Variants in TBX18 observed in about 807,000 individuals in gnomAD.
TBX18 encodes the protein T-box transcription factor 18.
A neutral mutation model predicts 55.0 loss-of-function variants in TBX18; 21 were observed. That is an observed-to-expected ratio of 0.38 (90% confidence interval 0.27 to 0.55). The LOEUF (loss-of-function observed/expected upper bound fraction) is 0.55, where lower values mean the gene tolerates loss of function less well. Ranked by LOEUF, TBX18 falls within the 20% of genes least tolerant of loss-of-function variation. The pLI is 0.73. For missense variants in TBX18, 840 were observed against 799.6 expected (o/e 1.05, Z -0.61); for synonymous variants, 342 against 326.1 (o/e 1.05, Z -0.53).
intron 4 of TBX18, among the ~76,000 whole-genome samples, chr6:84,752,090 G>A (rs1165696880): frequency 6.6e-6 from 1 of 151,982 alleles, no homozygotes; most frequent in East Asian, 1.9e-4. Context: ...TTTGGGTTTA[G>A]CTAGTATTAC....
At chr6:84,744,588 A>G (rs1767132857) in intron 5 of TBX18, among the ~76,000 whole-genome samples, 1 of 152,162 alleles carries the variant, frequency 6.6e-6, no homozygotes, top group African/African-American at 2.4e-5. Flanking sequence ...TTGTTTTTTA[A>G]TATTTCTGGA....
At chr6:84,762,857 A>G in intron 1 of TBX18, 109 bp from the exon 2 acceptor site, 1 of 1,063,698 alleles carries the variant, frequency 9.4e-7, no homozygotes. Context: ...ACCGGGAGAA[A>G]AGGGGAAGCT....
chr6:84,737,014 T>C lies in TBX18; in HGVS notation c.1495A>G (p.Ile499Val). ...ISGMSPQLQYIMPSPSSNAFA... is the reference protein window; with the variant it reads ...ISGMSPQLQYVMPSPSSNAFA... ...GCATTGCTGGAGGGTGATGGCATGA[T>C]ATACTGGAGCTGGGGGGACATTCCC... is the stretch of plus-strand genomic sequence containing the variant. The change falls in exon 8 of 8, where the codon ATC becomes GTC. Residue 499 changes from isoleucine to valine, a missense_variant. Transcript: ENST00000369663. 6.2e-7 allele frequency: 1 copy of C among 1,613,816 alleles called. No individual in the cohort carries two copies. The highest frequency in any genetic ancestry group is 8.5e-7 in the Non-Finnish European group (1 of 1,179,850).
intron 3 of TBX18, among the ~76,000 whole-genome samples, chr6:84,758,364 C>T (rs548372611): frequency 9.4e-5 from 14 of 149,328 alleles, no homozygotes; most frequent in African/African-American, 2.5e-4. Context: ...GCCGAGATCA[C>T]GCCATTGTAC....
At position 84,736,826 on chromosome 6, in the gene TBX18, C is replaced by A; in HGVS notation, c.1683G>T (p.Gly561=). The change falls in exon 8 of 8, where the codon GGG becomes GGT. Residue 561 remains glycine (G), a synonymous_variant. Transcript: ENST00000369663. ...QGSFLGSSPS[G]TMTDRQMLPP... ...GCAACATCTGCCGATCCGTCATGGTCCCACTCGGTGAGGACCCCAAGAAAC... is the reference window on the plus strand; with the variant it reads ...GCAACATCTGCCGATCCGTCATGGTACCACTCGGTGAGGACCCCAAGAAAC... 1 of 1,614,106 alleles carries A rather than the reference C, an allele frequency of 6.2e-7. No homozygotes were observed. The highest frequency in any genetic ancestry group is 2.2e-5 in the East Asian group (1 of 44,874).
At chr6:84,753,958 CA>C (rs1767420420) in intron 4 of TBX18, among the ~76,000 whole-genome samples, 1 of 152,086 alleles carries the variant, frequency 6.6e-6, no homozygotes, top group African/African-American at 2.4e-5. Flanking sequence ...AGCAGAGTCT[CA>C]CTCTGTCACC....
intron 5 of TBX18, among the ~76,000 whole-genome samples, chr6:84,746,431 TTA>T (rs1335679090): frequency 1.4e-5 from 2 of 147,340 alleles, no homozygotes; most frequent in African/African-American, 4.9e-5. Context: ...TATATTATAA[TTA>T]TATATTATAT....
chr6:84,736,860 G>T lies in TBX18; in HGVS notation c.1649C>A (p.Ser550Tyr), dbSNP rs781249482. 6.2e-7 allele frequency: 1 copy of T among 1,613,604 alleles called. No homozygotes were observed. ...LAASPEKIVS[S>Y]QGSFLGSSPS... is the part of the protein sequence containing the mutation. ...TGAGGACCCCAAGAAACTTCCTTGG[G>T]AAGAAACAATTTTCTCAGGACTGGC... The change falls in exon 8 of 8, where the codon TCC becomes TAC. Residue 550 changes from serine (S) to tyrosine (Y), a missense_variant. Coordinates refer to ENST00000369663, the MANE Select transcript of TBX18 (RefSeq NM_001080508.3).
At chr6:84,748,130 C>G in intron 4 of TBX18, 43 bp from the exon 5 acceptor site, 1 of 1,498,870 alleles carries the variant, frequency 6.7e-7, no homozygotes, top group Non-Finnish European at 9.1e-7. Context: ...GAAGCCTCTG[C>G]CCAACCTCAA....
chr6:84,736,003 G>A lies in TBX18; in HGVS notation c.*682C>T, dbSNP rs1282582847. ...ACAGATGAATAAGAACCTCTTATGT[G>A]CCCAATGGAAAGTGTAAAAAAAAAA... On this transcript the variant is annotated 3_prime_UTR_variant, in exon 8 of 8. Transcript: ENST00000369663. 1 of 151,848 alleles carries A rather than the reference G, an allele frequency of 6.6e-6. No individual in the cohort carries two copies. The highest frequency in any genetic ancestry group is 1.5e-5 in the Non-Finnish European group (1 of 67,992). 9.4% of individuals were successfully genotyped at this position (151,848 alleles called of 1,614,324 possible).
In TBX18 at chr6:84,737,098, C is replaced by T. The variant is rs1429707300; in HGVS notation, c.1411G>A (p.Gly471Ser). The T allele has an allele frequency of 6.2e-7, 1 of 1,614,142 alleles. No individual in the cohort carries two copies. Among genetic ancestry groups the T allele is most frequent in the South Asian group, 1.1e-5 (1 of 91,074 alleles). Residue 471 changes from glycine (G) to serine (S), a missense_variant, in exon 8 of 8, where the codon GGT (glycine) becomes AGT (serine). Coordinates refer to ENST00000369663, the MANE Select transcript of TBX18 (RefSeq NM_001080508.3). ...CTGAAGGTGTCCCCATCAGTGCCAC[C>T]CATGGACATGTTCACGGAGGTGCTG... ...SSSTSVNMSMGGTDGDTFSCP... is the reference protein window; with the variant it reads ...SSSTSVNMSMSGTDGDTFSCP...
In TBX18 at chr6:84,762,700, G is replaced by C; in HGVS notation, c.341C>G (p.Pro114Arg). 6.2e-7 allele frequency: 1 copy of C among 1,610,992 alleles called. No individual in the cohort carries two copies. The highest frequency in any genetic ancestry group is 1.3e-5 in the African/African-American group (1 of 74,958). The change falls in exon 2 of 8, where the codon CCG becomes CGG. Residue 114 changes from proline (P) to arginine (R), a missense_variant. Physicochemically the swap from Pro to Arg is moderately radical, Grantham distance 103. Transcript: ENST00000369663. ...FQQGASPLAS[P>R]GGSPKGSPAR... ...CGGAGACCCCTTGGGGGAGCCTCCC[G>C]GTGACGCCAGAGGGGAAGCTCCCTG...
At chr6:84,754,140 C>T (rs1767424853) in intron 4 of TBX18, among the ~76,000 whole-genome samples, 1 of 152,140 alleles carries the variant, frequency 6.6e-6, no homozygotes, top group Admixed American at 6.5e-5. Flanking sequence ...GTTGGCCAGG[C>T]TGGTCTCAAA....
chr6:84,745,244 T>C (rs745786891), intron 5 of TBX18, among the ~76,000 whole-genome samples: 1 of 152,140 alleles, frequency 6.6e-6, no homozygotes, highest in Non-Finnish European at 1.5e-5. Flanking sequence ...CATTAATAGT[T>C]TTTTTAGTTA....
At chr6:84,749,389 C>G (rs1051001330) in intron 4 of TBX18, among the ~76,000 whole-genome samples, 54 of 152,100 alleles carry the variant, frequency 3.6e-4, no homozygotes, top group African/African-American at 1.2e-3. Flanking sequence ...AATATTTGGT[C>G]AGCCCAAACA....
chr6:84,762,662 C>A lies in TBX18; in HGVS notation c.379G>T (p.Ala127Ser). ...SPKGSPARSL[A>S]RPGTPLPSPQ... ...GAGGGCAGAGGGGTCCCGGGCCGGG[C>A]CAGGGAGCGCGCCGGAGACCCCTTG... The change falls in exon 2 of 8, where the codon GCC (alanine) becomes TCC (serine). Residue 127 changes from alanine (A) to serine (S), a missense_variant. Coordinates refer to ENST00000369663, the MANE Select transcript of TBX18 (RefSeq NM_001080508.3). 1 of 1,609,752 alleles carries A rather than the reference C, an allele frequency of 6.2e-7. No individual in the cohort carries two copies. Among genetic ancestry groups the A allele is most frequent in the Non-Finnish European group, 8.5e-7 (1 of 1,178,332 alleles).
At position 84,756,917 on chromosome 6, in the gene TBX18, T is replaced by A. The variant is rs377054655; in HGVS notation, c.600-48A>T. 2.6e-6 allele frequency: 4 copies of A among 1,561,662 alleles called. No homozygotes were observed. The African/African-American group carries it at 5.4e-5, about 21-fold the overall frequency. On this transcript the variant is annotated intron_variant, in intron 3 of 7. Transcript: ENST00000369663. ...TCAGTATACTGTTTTTATCTTGGCA[T>A]GTCCAACTCAGTAGAATCAGACAAA... is the stretch of plus-strand genomic sequence containing the variant.
Position 84,733,071 on chromosome 6 carries a change from A to G in TBX18, c.*3614T>C, listed in dbSNP as rs1773846760. 6.6e-6 allele frequency: 1 copy of G among 152,166 alleles called. No homozygotes were observed. Among genetic ancestry groups the G allele is most frequent in the South Asian group, 2.1e-4 (1 of 4,832 alleles). 9.4% of individuals were successfully genotyped at this position (152,166 alleles called of 1,614,324 possible). ...TCCATAGTCTCAAACTAAGTTCTCT[A>G]ATTCCCGAGGACATGTTATTCTCAT... On this transcript the variant is annotated 3_prime_UTR_variant, in exon 8 of 8. Coordinates refer to ENST00000369663, the MANE Select transcript of TBX18 (RefSeq NM_001080508.3).
intron 1 of TBX18, chr6:84,763,335 G>A (rs1767709581): frequency 2.2e-6 from 1 of 456,300 alleles, no homozygotes; most frequent in South Asian, 1.6e-5. Flanking sequence ...TTCCAGCCCA[G>A]CAGAGAAAAG....
Sources: allele counts gnomAD v4.1 joint callset (sites outside exome capture counted in the v4.1 genomes callset), GRCh38; gene constraint gnomAD v4.1.1; transcripts MANE v1.5; gene names NCBI Gene and HGNC (gene_info 2026-07-23, HGNC 2026-07-21).